WDFY3: variants seen among roughly 807,000 people sequenced by gnomAD.
WDFY3 encodes the protein WD repeat and FYVE domain containing 3.
WDFY3 carries 66 observed loss-of-function variants against 409.6 expected under a neutral mutation model. The ratio of observed to expected loss-of-function variants is 0.16; its 90% CI spans 0.13 to 0.20. The LOEUF (loss-of-function observed/expected upper bound fraction) is 0.20, where lower values mean the gene tolerates loss of function less well. WDFY3 is among the 10% of genes least tolerant of loss of function. The pLI is 1.00. For synonymous variants in WDFY3, 1,521 were observed against 1,537.1 expected (o/e 0.99, Z 0.25); for missense variants, 3,031 against 4,298.1 (o/e 0.71, Z 8.24).
At chr4:84,796,818 AT>A (rs1376156999) in intron 18 of WDFY3, 66 bp from the exon 19 acceptor site, 14 of 1,353,392 alleles carry the variant, frequency 1.0e-5, no homozygotes, top group Non-Finnish European at 1.3e-5. Flanking sequence ...TACAAGGCTG[AT>A]TTATTTGTAA....
chr4:84,721,537 C>A lies in WDFY3; in HGVS notation c.7477G>T (p.Ala2493Ser). The A allele has an allele frequency of 1.2e-6, 2 of 1,609,994 alleles. No homozygotes were observed. The highest frequency in any genetic ancestry group is 1.7e-6 in the Non-Finnish European group (2 of 1,180,000). The change falls in exon 47 of 68, where the codon GCA (alanine) becomes TCA (serine). Residue 2493 changes from alanine (A) to serine (S), a missense_variant. This residue lies in a region of WDFY3 where 127 missense variants were observed against 144.4 expected (regional missense o/e 0.88). Transcript: ENST00000295888. The part of the protein sequence containing the change: ...VKPPLKRSRS[A>S]PDGGDEENQE... ...TTCTCCTCATCTCCTCCATCAGGTGCAGATCGGGAGCGTTTTAGAGGAGGC... is the reference window on the plus strand; with the variant it reads ...TTCTCCTCATCTCCTCCATCAGGTGAAGATCGGGAGCGTTTTAGAGGAGGC...
chr4:84,775,677 G>T (rs1745431523), intron 27 of WDFY3, among the ~76,000 whole-genome samples: 1 of 151,606 alleles, frequency 6.6e-6, no homozygotes, highest in African/African-American at 2.4e-5. Flanking sequence ...CCAGAAAAGG[G>T]AAGGGAGTGG....
chr4:84,826,286 T>C (rs1754853307), intron 10 of WDFY3, among the ~76,000 whole-genome samples: 1 of 152,238 alleles, frequency 6.6e-6, no homozygotes, highest in South Asian at 2.1e-4. Context: ...GTATTTGGTA[T>C]TTTAAGTAAT....
chr4:84,789,650 C>A, intron 22 of WDFY3, 76 bp downstream of exon 22: 2 of 1,373,008 alleles, frequency 1.5e-6, no homozygotes, highest in East Asian at 2.3e-5. Flanking sequence ...CACACACACA[C>A]ACACACACAC....
intron 51 of WDFY3, among the ~76,000 whole-genome samples, chr4:84,709,974 G>A (rs1438890360): frequency 4.6e-5 from 7 of 152,054 alleles, no homozygotes; most frequent in African/African-American, 1.4e-4. Flanking sequence ...CTCCCACCTC[G>A]GCCTCCCAAA....
chr4:84,849,738 T>C (rs1010119170), intron 5 of WDFY3, 164 bp downstream of exon 5: 1 of 978,006 alleles, frequency 1.0e-6, no homozygotes, highest in Non-Finnish European at 1.4e-6. Context: ...TTGAAGATGC[T>C]GAAACCAGGA....
chr4:84,688,242 G>C lies in WDFY3; in HGVS notation c.9387C>G (p.Thr3129=). ...LKQALLGHTD[T]VTCATASLAY... is the part of the protein sequence containing the mutation. ...CTAATGATGCTGTGGCGCAGGTGAC[G>C]GTATCAGTGTGGCCCAGTAAGGCCT... The change falls in exon 62 of 68, where the codon ACC becomes ACG. Residue 3129 remains threonine, a synonymous_variant. Transcript: ENST00000295888. 6.2e-7 allele frequency: 1 copy of C among 1,613,986 alleles called. No individual in the cohort carries two copies. The highest frequency in any genetic ancestry group is 8.5e-7 in the Non-Finnish European group (1 of 1,179,970).
intron 3 of WDFY3, among the ~76,000 whole-genome samples, chr4:84,873,164 T>A (rs2150331090): frequency 1.3e-5 from 2 of 152,316 alleles, no homozygotes; most frequent in East Asian, 3.9e-4. Flanking sequence ...AACAGCACTG[T>A]CATTAAACTA....
intron 4 of WDFY3, among the ~76,000 whole-genome samples, chr4:84,851,335 T>C (rs1407522452): frequency 6.6e-6 from 1 of 152,146 alleles, no homozygotes; most frequent in Non-Finnish European, 1.5e-5. Context: ...TTATTACCTA[T>C]TGAAATGTCA....
chr4:84,734,524 T>C (rs1737119783), intron 43 of WDFY3, among the ~76,000 whole-genome samples: 1 of 152,150 alleles, frequency 6.6e-6, no homozygotes, highest in Non-Finnish European at 1.5e-5. Flanking sequence ...GAGAATAAAA[T>C]ATTTAAGATA....
intron 13 of WDFY3, among the ~76,000 whole-genome samples, chr4:84,812,882 T>G (rs1276207059): frequency 6.6e-6 from 1 of 152,122 alleles, no homozygotes; most frequent in Non-Finnish European, 1.5e-5. Flanking sequence ...AACTTCCCAC[T>G]TACATCAATA....
In WDFY3 at chr4:84,690,489, T is replaced by C. The variant is rs1729076561; in HGVS notation, c.9363+17A>G. ...ATGGACTATGTCCTTCTTGGCATTTTCTATGTTCTCTCTTACCTGTTTGAG... is the reference window on the plus strand; with the variant it reads ...ATGGACTATGTCCTTCTTGGCATTTCCTATGTTCTCTCTTACCTGTTTGAG... On this transcript the variant is annotated intron_variant, in intron 61 of 67. Transcript: ENST00000295888. The C allele has an allele frequency of 8.1e-6, 13 of 1,614,124 alleles. No individual in the cohort carries two copies. Among genetic ancestry groups the C allele is most frequent in the Non-Finnish European group, 1.0e-5 (12 of 1,180,008 alleles).
chr4:84,788,979 C>T (rs1748009368), intron 22 of WDFY3, among the ~76,000 whole-genome samples: 1 of 152,044 alleles, frequency 6.6e-6, no homozygotes, highest in Non-Finnish European at 1.5e-5. Flanking sequence ...GAGATCGTGC[C>T]ACTGCACTCC....
intron 67 of WDFY3, among the ~76,000 whole-genome samples, chr4:84,674,666 G>A (rs1421001919): frequency 1.3e-5 from 2 of 151,704 alleles, no homozygotes; most frequent in South Asian, 2.1e-4. Context: ...TCAGGAGTTC[G>A]AGACGAGCCT....
chr4:84,709,235 T>A (rs1732494038), intron 52 of WDFY3, 58 bp downstream of exon 52: 14 of 1,509,840 alleles, frequency 9.3e-6, no homozygotes, highest in Non-Finnish European at 1.3e-5. Flanking sequence ...CTTTTAACTG[T>A]ATGACTTCTA....
intron 3 of WDFY3, among the ~76,000 whole-genome samples, chr4:84,872,618 T>C (rs1249121127): frequency 1.3e-5 from 2 of 152,144 alleles, no homozygotes; most frequent in Non-Finnish European, 2.9e-5. Context: ...CAGATATTTA[T>C]CCTACTAAAT....
intron 1 of WDFY3, among the ~76,000 whole-genome samples, chr4:84,933,589 A>C (rs1771039051): frequency 6.6e-6 from 1 of 151,898 alleles, no homozygotes; most frequent in Non-Finnish European, 1.5e-5. Context: ...ATTAACTGTC[A>C]CCCTATTGTG....
chr4:84,943,319 C>A (rs1403838607), intron 1 of WDFY3, among the ~76,000 whole-genome samples: 1 of 151,874 alleles, frequency 6.6e-6, no homozygotes, highest in Non-Finnish European at 1.5e-5. Context: ...GGCTAACACC[C>A]AGTGAAACCC....
At chr4:84,814,508 T>A (rs1578646910) in intron 13 of WDFY3, among the ~76,000 whole-genome samples, 1 of 152,156 alleles carries the variant, frequency 6.6e-6, no homozygotes, top group East Asian at 1.9e-4. Context: ...AATTGTGTAT[T>A]GTTCAGAGTA....
Sources: gnomAD v4.1 joint callset for allele counts (sites outside exome capture counted in the v4.1 genomes callset) on GRCh38, gnomAD v4.1.1 for gene constraint, gnomAD v4.1.1 regional missense constraint, MANE v1.5 for transcripts, NCBI Gene and HGNC (gene_info 2026-07-23, HGNC 2026-07-21) for gene names.